CATIP: variants seen among roughly 807,000 people sequenced by gnomAD.
CATIP encodes the protein ciliogenesis-associated TTC17-interacting protein.
In CATIP, 40 loss-of-function variants were observed where a neutral mutation model predicts 42.5. That is an observed-to-expected ratio of 0.94 (90% confidence interval 0.73 to 1.22). CATIP has a LOEUF of 1.22. CATIP is among the 50% of genes most tolerant of loss of function. CATIP has a pLI of 0.00. For synonymous variants in CATIP, 222 were observed against 200.2 expected (o/e 1.11, Z -0.92); for missense variants, 489 against 496.0 (o/e 0.99, Z 0.13).
At chr2:218,356,939 G>A (rs758426245) in intron 1 of CATIP, 30 bp downstream of exon 1, 15 of 1,612,690 alleles carry the variant, frequency 9.3e-6, no homozygotes, top group African/African-American at 2.7e-5. Flanking sequence ...GGCTGGAGGC[G>A]GGGATCCTCT....
intron 1 of CATIP, 52 bp from the exon 2 acceptor site, chr2:218,357,043 C>T (rs924340321): frequency 1.3e-6 from 2 of 1,576,420 alleles, no homozygotes; most frequent in Admixed American, 1.7e-5. Context: ...GCCTCCCTGA[C>T]CCCTGCCCTT....
chr2:218,366,685 T>C, intron 7 of CATIP: 1 of 342,118 alleles, frequency 2.9e-6, no homozygotes, highest in Non-Finnish European at 5.6e-6. Flanking sequence ...AGAAATATAT[T>C]TGCTGGAAGG....
chr2:218,362,388 C>A (rs1695267646), intron 5 of CATIP, among the ~76,000 whole-genome samples: 1 of 151,098 alleles, frequency 6.6e-6, no homozygotes, highest in African/African-American at 2.4e-5. Context: ...GCCTGTAATC[C>A]CAACACTTTG....
Position 218,367,871 on chromosome 2 carries a change from G to C in CATIP, c.1071G>C (p.Trp357Cys). 1.2e-6 allele frequency: 2 copies of C among 1,613,022 alleles called. No homozygotes were observed. Among genetic ancestry groups the C allele is most frequent in the Non-Finnish European group, 1.7e-6 (2 of 1,179,878 alleles). The change falls in exon 10 of 10, where the codon TGG becomes TGC. Residue 357 changes from tryptophan (W) to cysteine (C), a missense_variant. By Grantham distance (215) the Trp-to-Cys change is radical. Coordinates refer to ENST00000289388, the MANE Select transcript of CATIP (RefSeq NM_198559.2). Reference sequence around the variant, plus strand: ...AGTTCTTCGGCCCCTTCGACCCGTGGCGTCCGTCGTCACCGGCCTTGGGCT... The same window carrying C: ...AGTTCTTCGGCCCCTTCGACCCGTGCCGTCCGTCGTCACCGGCCTTGGGCT... ...AAEFFGPFDP[W>C]RPSSPALGSS...
At chr2:218,362,388 C>G (rs1695267646) in intron 5 of CATIP, among the ~76,000 whole-genome samples, 1 of 151,098 alleles carries the variant, frequency 6.6e-6, no homozygotes, top group Non-Finnish European at 1.5e-5. Context: ...GCCTGTAATC[C>G]CAACACTTTG....
At chr2:218,365,892 G>GCAA (rs1335926053) in intron 7 of CATIP, 1 of 151,978 alleles carries the variant, frequency 6.6e-6, no homozygotes, top group Non-Finnish European at 1.5e-5. Flanking sequence ...TTGGCTAACT[G>GCAA]CAACCTCCGC....
In CATIP at chr2:218,367,491, G is replaced by A; in HGVS notation, c.894G>A (p.Glu298=). Residue 298 remains glutamate, a synonymous_variant, in exon 9 of 10, where the codon GAG becomes GAA. Coordinates refer to ENST00000289388, the MANE Select transcript of CATIP (RefSeq NM_198559.2). ...CCCTGGTATGGGAGGAGGATATGGAGCTCTATTCGAAGTTCCTGGACCGGA... is the reference window on the plus strand; with the variant it reads ...CCCTGGTATGGGAGGAGGATATGGAACTCTATTCGAAGTTCCTGGACCGGA... ...KKPLVWEEDM[E]LYSKFLDRKE... is the part of the protein sequence containing the mutation. 6.2e-7 allele frequency: 1 copy of A among 1,614,212 alleles called. No homozygotes were observed. Among genetic ancestry groups the A allele is most frequent in the African/African-American group, 1.3e-5 (1 of 75,054 alleles).
Position 218,363,243 on chromosome 2 carries a change from G to A in CATIP, c.630+341G>A, listed in dbSNP as rs557227793. On this transcript the variant is annotated intron_variant, in intron 6 of 9. Coordinates refer to ENST00000289388, the MANE Select transcript of CATIP (RefSeq NM_198559.2). ...CGCCTGTAATCCCAGCACTTTGGGA[G>A]GCCAAGGCGGGCCGATCACAAGGTC... Among the ~76,000 whole-genome samples, 10 of 152,214 alleles carry A rather than the reference G, an allele frequency of 6.6e-5. No individual in the cohort carries two copies. In the South Asian group the frequency reaches 2.1e-3, roughly 32 times the overall value.
At chr2:218,366,659 G>T in intron 7 of CATIP, 1 of 329,606 alleles carries the variant, frequency 3.0e-6, no homozygotes, top group South Asian at 2.4e-5. Context: ...AACACCACAG[G>T]CTGGGTGGCT....
chr2:218,358,883 CAAA>C (rs34797850), intron 4 of CATIP, among the ~76,000 whole-genome samples: 5 of 123,714 alleles, frequency 4.0e-5, no homozygotes, highest in Admixed American at 8.8e-5. Context: ...GACCCTGTCT[CAAA>C]AAAAAAAAAA....
chr2:218,367,632 G>T (rs1212310780), intron 9 of CATIP, 90 bp from the exon 10 acceptor site: 1 of 1,590,234 alleles, frequency 6.3e-7, no homozygotes, highest in African/African-American at 1.3e-5. Flanking sequence ...AGGCTCCAGC[G>T]CCCCTTAGCT....
chr2:218,365,899 C>T (rs1173430120), intron 7 of CATIP: 1 of 152,176 alleles, frequency 6.6e-6, no homozygotes, highest in African/African-American at 2.4e-5. Context: ...ACTGCAACCT[C>T]CGCCTCCCAG....
chr2:218,357,285 C>CTCTT, intron 2 of CATIP, 98 bp downstream of exon 2: 2 of 883,124 alleles, frequency 2.3e-6, no homozygotes, highest in Non-Finnish European at 3.5e-6. Context: ...CTCTCTCTCT[C>CTCTT]TCTCTTCCTT....
rs1559107777 is a variant in CATIP at position 218,367,602 on chromosome 2, G to A, written c.921+84G>A. ...ACTGATCTCTGCACCTGATTGAAATGCACACCCGTAGGGGCTAGAAGGCTC... is the reference window on the plus strand; with the variant it reads ...ACTGATCTCTGCACCTGATTGAAATACACACCCGTAGGGGCTAGAAGGCTC... On this transcript the variant is annotated intron_variant, in intron 9 of 9. Transcript: ENST00000289388. The A allele has an allele frequency of 1.9e-6, 3 of 1,602,966 alleles. No individual in the cohort carries two copies. In the South Asian group the frequency reaches 3.3e-5, roughly 18 times the overall value.
rs750908696 is a variant in CATIP, at chr2:218,358,081, G to T, written c.364G>T (p.Asp122Tyr). 3.1e-6 allele frequency: 5 copies of T among 1,613,948 alleles called. No individual in the cohort carries two copies. Among genetic ancestry groups the T allele is most frequent in the Non-Finnish European group, 4.2e-6 (5 of 1,179,936 alleles). The change falls in exon 4 of 10, where the codon GAC becomes TAC. Residue 122 changes from aspartate (D) to tyrosine (Y), a missense_variant. By Grantham distance (160) the Asp-to-Tyr change is radical. Coordinates refer to ENST00000289388, the MANE Select transcript of CATIP (RefSeq NM_198559.2). ...GGAGCTCATGGAACAGCACAGCCAA[G>T]ACTTCATCAAGGTACTTCCCAGGGC... ...KLELMEQHSQ[D>Y]FIKFLILPME...
intron 6 of CATIP, 148 bp downstream of exon 6, chr2:218,363,050 G>C: frequency 1.4e-6 from 1 of 736,232 alleles, no homozygotes. Context: ...TTCAAGGGCA[G>C]GAAAGCATGT....
At position 218,358,167 on chromosome 2, in the gene CATIP, C is replaced by A; in HGVS notation, c.375+75C>A. The A allele has an allele frequency of 5.6e-6, 7 of 1,239,296 alleles. No homozygotes were observed. The Admixed American group carries it at 8.4e-5, about 15-fold the overall frequency. The allele number at this position is 1,239,296 out of a possible 1,614,324, so 76.8% of individuals were successfully genotyped here. A position where few individuals can be genotyped will look rare whatever the true frequency, so the allele number is the denominator to read the frequency against. On this transcript the variant is annotated intron_variant, in intron 4 of 9. Transcript: ENST00000289388. ...ATTTTGACTTAAAAAACAGCAGCAA[C>A]AACAAACCAAAAAACCTATTACATA...
intron 4 of CATIP, among the ~76,000 whole-genome samples, chr2:218,358,748 G>C (rs544266709): frequency 6.6e-6 from 1 of 152,014 alleles, no homozygotes; most frequent in South Asian, 2.1e-4. Context: ...GCTGGGTGTG[G>C]TAATGTGTGT....
At chr2:218,363,346 C>T (rs1351057735) in intron 6 of CATIP, among the ~76,000 whole-genome samples, 7 of 150,830 alleles carry the variant, frequency 4.6e-5, no homozygotes, top group East Asian at 2.0e-4. Flanking sequence ...ATCAGCGGGG[C>T]GTGGTGGCAG....
Sources: allele counts gnomAD v4.1 joint callset (sites outside exome capture counted in the v4.1 genomes callset), GRCh38; gene constraint gnomAD v4.1.1; transcripts MANE v1.5; gene names NCBI Gene and HGNC (gene_info 2026-07-23, HGNC 2026-07-21).